The following UGGT2 variants were observed in gnomAD, a reference collection of about 807,000 sequenced individuals.
The protein encoded by UGGT2 is UDP-glucose glycoprotein glucosyltransferase 2, also known as UDP-glucose:glycoprotein glucosyltransferase 2.
Under a neutral mutation model 192.1 loss-of-function variants are expected in UGGT2, and 180 were observed. That is an observed-to-expected ratio of 0.94 (90% CI 0.83 to 1.06). The LOEUF (loss-of-function observed/expected upper bound fraction) is 1.06. Ranked by LOEUF, UGGT2 falls within the 50% of genes least tolerant of loss-of-function variation. UGGT2 has a pLI of 0.00. For missense variants in UGGT2, 1,849 were observed against 1,795.7 expected (o/e 1.03, Z -0.54); for synonymous variants, 580 against 591.0 (o/e 0.98, Z 0.27).
At chr13:95,907,237 C>G (rs564198881) in intron 20 of UGGT2, among the ~76,000 whole-genome samples, 1 of 152,214 alleles carries the variant, frequency 6.6e-6, no homozygotes, top group Non-Finnish European at 1.5e-5. Flanking sequence ...GGCTTGAGTA[C>G]GTAAACAAAG....
chr13:95,910,504 A>G (rs1319626895), intron 20 of UGGT2, among the ~76,000 whole-genome samples: 1 of 152,242 alleles, frequency 6.6e-6, no homozygotes, highest in African/African-American at 2.4e-5. Context: ...GCCAGTACAT[A>G]ATGGTAAACG....
intron 36 of UGGT2, among the ~76,000 whole-genome samples, chr13:95,851,151 T>C (rs1888992151): frequency 6.6e-6 from 1 of 152,224 alleles, no homozygotes; most frequent in South Asian, 2.1e-4. Context: ...CATGTTAGAA[T>C]TAGGTGGCTT....
chr13:95,991,398 T>A (rs1322816737), intron 7 of UGGT2: 3 of 439,010 alleles, frequency 6.8e-6, no homozygotes, highest in Non-Finnish European at 1.4e-5. Flanking sequence ...CGTTTCCTTT[T>A]TAATGATTGT....
At chr13:96,051,397 G>A (rs1234512064) in intron 1 of UGGT2, among the ~76,000 whole-genome samples, 3 of 152,286 alleles carry the variant, frequency 2.0e-5, no homozygotes, top group Middle Eastern at 3.4e-3. Flanking sequence ...GTTAATGGGT[G>A]CAGCACACCA....
chr13:96,009,947 C>T (rs928306146), intron 5 of UGGT2, among the ~76,000 whole-genome samples: 1 of 151,972 alleles, frequency 6.6e-6, no homozygotes, highest in African/African-American at 2.4e-5. Flanking sequence ...AATGAGATAC[C>T]ATCTTGTATC....
At chr13:95,971,404 T>C (rs1344471726) in intron 11 of UGGT2, among the ~76,000 whole-genome samples, 1 of 152,184 alleles carries the variant, frequency 6.6e-6, no homozygotes, top group Non-Finnish European at 1.5e-5. Context: ...AGAATCATGG[T>C]AGCACTAAGC....
chr13:95,820,150 C>CAAAA (rs1555333255), intron 38 of UGGT2, among the ~76,000 whole-genome samples: 1 of 77,016 alleles, frequency 1.3e-5, no homozygotes, highest in Admixed American at 1.2e-4. Flanking sequence ...GAAACTGTCT[C>CAAAA]AAAAAATAAA....
rs202133446 is a variant in UGGT2, at chr13:95,903,005, T to C, written c.2351A>G (p.Asn784Ser). ...TCTAGAAATAGCTGTGTTCTCTTCA[T>C]TTATTTTTGATGTAGGATTATAAAT... Reference protein sequence around the residue: ...GIIYNPTSKINEENTAISRGI... With the variant: ...GIIYNPTSKISEENTAISRGI... Residue 784 changes from asparagine (N) to serine (S), a missense_variant, in exon 21 of 39, where the codon AAT becomes AGT. Transcript: ENST00000376747. 68 of 1,613,088 alleles carry C rather than the reference T, an allele frequency of 4.2e-5. No individual in the cohort carries two copies. Among genetic ancestry groups the C allele is most frequent in the Non-Finnish European group, 5.6e-5 (66 of 1,179,608 alleles).
chr13:95,896,156 T>C (rs2047938846), intron 22 of UGGT2, among the ~76,000 whole-genome samples: 2 of 152,090 alleles, frequency 1.3e-5, no homozygotes, highest in Non-Finnish European at 2.9e-5. Flanking sequence ...CCAGATTATT[T>C]TTTTCTTGGT....
At chr13:95,814,177 G>A (rs1368341065) in intron 38 of UGGT2, among the ~76,000 whole-genome samples, 1 of 152,240 alleles carries the variant, frequency 6.6e-6, no homozygotes, top group Non-Finnish European at 1.5e-5. Flanking sequence ...GCCTAGCAGA[G>A]CTATGAGAAG....
chr13:95,867,229 G>T, intron 30 of UGGT2, 110 bp downstream of exon 30: 6 of 935,404 alleles, frequency 6.4e-6, no homozygotes, highest in South Asian at 1.7e-5. Context: ...TAACATTTTA[G>T]GTTGTAAAAT....
At chr13:95,973,160 A>T (rs2050829569) in intron 10 of UGGT2, among the ~76,000 whole-genome samples, 1 of 152,078 alleles carries the variant, frequency 6.6e-6, no homozygotes, top group African/African-American at 2.4e-5. Flanking sequence ...ACAAGAACGA[A>T]ACTCCATCTC....
At chr13:95,839,158 C>G (rs1203212938) in intron 36 of UGGT2, among the ~76,000 whole-genome samples, 1 of 152,060 alleles carries the variant, frequency 6.6e-6, no homozygotes, top group Non-Finnish European at 1.5e-5. Flanking sequence ...CACACACACA[C>G]TACCCCCCAT....
At chr13:95,974,159 C>A (rs1490757441) in intron 10 of UGGT2, among the ~76,000 whole-genome samples, 1 of 152,186 alleles carries the variant, frequency 6.6e-6, no homozygotes, top group Non-Finnish European at 1.5e-5. Context: ...AGTATTTCTA[C>A]TTGTTTTATA....
chr13:95,913,547 C>T (rs2048575417), intron 20 of UGGT2, among the ~76,000 whole-genome samples: 1 of 152,216 alleles, frequency 6.6e-6, no homozygotes, highest in South Asian at 2.1e-4. Context: ...TACCATCTCA[C>T]ACCAGTTAGA....
intron 17 of UGGT2, among the ~76,000 whole-genome samples, chr13:95,927,882 G>A (rs556764036): frequency 2.6e-5 from 4 of 152,208 alleles, no homozygotes; most frequent in Non-Finnish European, 4.4e-5. Context: ...CGAACATGCT[G>A]CCTTGCAGGG....
chr13:95,909,579 A>C (rs1397958926), intron 20 of UGGT2, among the ~76,000 whole-genome samples: 1 of 118,592 alleles, frequency 8.4e-6, no homozygotes, highest in Non-Finnish European at 1.6e-5. Context: ...AGGAAGGGGA[A>C]TATCACATAC....
chr13:95,979,950 CTCACTCCTA>C, intron 10 of UGGT2, among the ~76,000 whole-genome samples: 1 of 152,160 alleles, frequency 6.6e-6, no homozygotes, highest in Non-Finnish European at 1.5e-5. Flanking sequence ...GCAATACCAC[CTCACTCCTA>C]CAAGAATGGG....
intron 12 of UGGT2, among the ~76,000 whole-genome samples, chr13:95,967,742 G>C (rs955045906): frequency 1.3e-5 from 2 of 152,122 alleles, no homozygotes; most frequent in East Asian, 3.9e-4. Flanking sequence ...AAACTGCTGG[G>C]ATTACAGGCA....
Sources: gnomAD v4.1 joint callset for allele counts (sites outside exome capture counted in the v4.1 genomes callset) on GRCh38, gnomAD v4.1.1 for gene constraint, MANE v1.5 for transcripts, NCBI Gene and HGNC (gene_info 2026-07-23, HGNC 2026-07-21) for gene names.